Variants in ACOX2 observed in about 807,000 individuals in gnomAD.
ACOX2 encodes the protein acyl-CoA oxidase 2, also known as peroxisomal acyl-coenzyme A oxidase 2.
ACOX2 carries 59 observed loss-of-function variants against 77.5 expected under a neutral mutation model. That is an observed-to-expected ratio of 0.76 (90% CI 0.62 to 0.95). The LOEUF (loss-of-function observed/expected upper bound fraction) is 0.95, where lower values mean the gene tolerates loss of function less well. Among genes scored for constraint, ACOX2 ranks in the 40% least tolerant of loss-of-function variants. ACOX2 has a pLI of 0.00. For synonymous variants in ACOX2, 317 were observed against 340.1 expected (o/e 0.93, Z 0.75); for missense variants, 837 against 880.4 (o/e 0.95, Z 0.62).
intron 12 of ACOX2, among the ~76,000 whole-genome samples, chr3:58,517,813 G>A (rs1319422482): frequency 1.3e-5 from 2 of 151,976 alleles, no homozygotes; most frequent in African/African-American, 2.4e-5. Context: ...GGTGGCTCAC[G>A]CCTGTAATCC....
In ACOX2 at chr3:58,531,810, C is replaced by T. The variant is rs780226877; in HGVS notation, c.586G>A (p.Gly196Arg). Residue 196 changes from glycine to arginine, a missense_variant and splice_region_variant, in exon 6 of 15, where the codon GGA (glycine) becomes AGA (arginine). By Grantham distance (125) the Gly-to-Arg change is moderately radical (BLOSUM62 -2). Transcript: ENST00000302819. The surrounding 1 kb of genome is among the most constrained non-coding windows in gnomAD (Gnocchi z 5.8). Reference sequence around the variant, plus strand: ...ACCAGGGCATGGGTGGCTGACCGTCCCACTGAGGGCAGAGAGAGTAGCGGC... The same window carrying T: ...ACCAGGGCATGGGTGGCTGACCGTCTCACTGAGGGCAGAGAGAGTAGCGGC... ...TATKWWPGDL[G>R]RSATHALVQA... 8.7e-6 allele frequency: 14 copies of T among 1,613,170 alleles called. No individual in the cohort carries two copies. Among genetic ancestry groups the T allele is most frequent in the Admixed American group, 1.7e-5 (1 of 59,852 alleles).
Position 58,531,741 on chromosome 3 carries a change from C to T in ACOX2, c.655G>A (p.Ala219Thr), listed in dbSNP as rs771737754. 8.7e-6 allele frequency: 14 copies of T among 1,614,190 alleles called. No individual in the cohort carries two copies. Among genetic ancestry groups the T allele is most frequent in the Middle Eastern group, 1.6e-4 (1 of 6,062 alleles). ...AGACTCCGGATTGGCACAATAAAAG[C>T]GTGCATGCCCCGCCTGGCTCCTGAG... ...ICSGARRGMH[A>T]FIVPIRSLQD... The change falls in exon 6 of 15, where the codon GCT becomes ACT. Residue 219 changes from alanine (A) to threonine (T), a missense_variant. Ala to Thr is a moderately conservative substitution (Grantham distance 58). Coordinates refer to ENST00000302819, the MANE Select transcript of ACOX2 (RefSeq NM_003500.4). This position sits in a 1 kb window ranked among gnomAD's most constrained non-coding sequence, Gnocchi z 5.8.
At chr3:58,516,586 C>G (rs1465143002) in intron 13 of ACOX2, among the ~76,000 whole-genome samples, 1 of 152,170 alleles carries the variant, frequency 6.6e-6, no homozygotes, top group Non-Finnish European at 1.5e-5. Flanking sequence ...ACCTGTAATC[C>G]CAGCACTTTG....
At chr3:58,506,255 T>C (rs1174620988) in intron 14 of ACOX2, among the ~76,000 whole-genome samples, 1 of 152,226 alleles carries the variant, frequency 6.6e-6, no homozygotes, top group East Asian at 1.9e-4. Context: ...ATAGAATAAT[T>C]GGGGAAAAAC....
rs776896510 is a variant in ACOX2, at chr3:58,522,450, G to C, written c.1632+46C>G. The C allele has an allele frequency of 5.0e-6, 8 of 1,585,080 alleles. No individual in the cohort carries two copies. In the South Asian group the frequency reaches 8.9e-5, roughly 18 times the overall value. On this transcript the variant is annotated intron_variant, in intron 12 of 14. Coordinates refer to ENST00000302819, the MANE Select transcript of ACOX2 (RefSeq NM_003500.4). The surrounding 1 kb of genome is among the most constrained non-coding windows in gnomAD (Gnocchi z 4.3). Reference sequence around the variant, plus strand: ...ATTTTCCCAGCAGGGTAGCCTGCCTGGGAAGCAAAATGGATCCCTTTCAGC... The same window carrying C: ...ATTTTCCCAGCAGGGTAGCCTGCCTCGGAAGCAAAATGGATCCCTTTCAGC...
rs143399044 is a variant in ACOX2 at position 58,531,340 on chromosome 3, T to G, written c.730A>C (p.Lys244Gln). ...PGIIIGDIGP[K>Q]MDFDQTDNGF... The stretch of plus-strand genomic sequence containing the variant: ...TTGTCTGTTTGATCAAAGTCCATCT[T>G]GGGTCCGATGTCCCCAATGATGATT... Residue 244 changes from lysine (K) to glutamine (Q), a missense_variant, in exon 7 of 15, where the codon AAG becomes CAG. Physicochemically the swap from Lys to Gln is moderately conservative, Grantham distance 53. Transcript: ENST00000302819. This position sits in a 1 kb window ranked among gnomAD's most constrained non-coding sequence, Gnocchi z 5.8. 12 of 1,614,074 alleles carry G rather than the reference T, an allele frequency of 7.4e-6. No homozygotes were observed. The African/African-American group carries it at 1.6e-4, about 22-fold the overall frequency.
chr3:58,517,276 C>T lies in ACOX2; in HGVS notation c.1780G>A (p.Asp594Asn), dbSNP rs1349948788. The T allele has an allele frequency of 6.2e-7, 1 of 1,614,036 alleles. No individual in the cohort carries two copies. The highest frequency in any genetic ancestry group is 8.5e-7 in the Non-Finnish European group (1 of 1,180,040). ...ILTNSGDFLH[D>N]AFLSGAQVDM... ...ACTTGGGCACCAGACAGGAAGGCGT[C>T]ATGGAGAAAGTCACCCGAGTTAGTC... Residue 594 changes from aspartate (D) to asparagine (N), a missense_variant, in exon 13 of 15, where the codon GAC (aspartate) becomes AAC (asparagine). Physicochemically the swap from Asp to Asn is conservative, Grantham distance 23. Coordinates refer to ENST00000302819, the MANE Select transcript of ACOX2 (RefSeq NM_003500.4).
intron 5 of ACOX2, among the ~76,000 whole-genome samples, chr3:58,532,209 C>T (rs147551597): frequency 3.3e-4 from 50 of 152,256 alleles, no homozygotes; most frequent in African/African-American, 1.2e-3. Flanking sequence ...TAGAGTGACA[C>T]ACTGAAGGTC....
rs1479726026 is a variant in ACOX2, at chr3:58,517,615, G to GTT, written c.1633-193_1633-192insAA. On this transcript the variant is annotated intron_variant, in intron 12 of 14. Coordinates refer to ENST00000302819, the MANE Select transcript of ACOX2 (RefSeq NM_003500.4). ...TGATGTTGTGTATATGTGTGTGTTG[G>GTT]GGGGGGGAGCGGGGACGGGGGGGAC... Among the ~76,000 whole-genome samples the GTT allele has an allele frequency of 5.9e-3, 852 of 143,682 alleles. 9 individuals carry two copies. The highest frequency in any genetic ancestry group is 7.7e-3 in the Non-Finnish European group (503 of 65,396). 94.3% of individuals were successfully genotyped at this position (143,682 alleles called of 152,430 possible). A position where few individuals can be genotyped will look rare whatever the true frequency, so the allele number is the denominator to read the frequency against.
Position 58,521,742 on chromosome 3 carries a change from GTC to G in ACOX2, c.1632+752_1632+753del, listed in dbSNP as rs1256467093. ...GTGCAAAAGGTCAGAGGCCTTGCCT[GTC>G]TCTCCTTCTCCCCTAGTCTCAGTCC... On this transcript the variant is annotated intron_variant, in intron 12 of 14. Coordinates refer to ENST00000302819, the MANE Select transcript of ACOX2 (RefSeq NM_003500.4). This position sits in a 1 kb window ranked among gnomAD's most constrained non-coding sequence, Gnocchi z 4.8. 3.3e-5 allele frequency among the ~76,000 whole-genome samples: 5 copies of G among 152,238 alleles called. No individual in the cohort carries two copies. The highest frequency in any genetic ancestry group is 3.3e-4 in the Admixed American group (5 of 15,286).
intron 13 of ACOX2, chr3:58,511,101 T>C: frequency 2.2e-6 from 1 of 456,208 alleles, no homozygotes; most frequent in Middle Eastern, 3.3e-4. Context: ...TTCCCACCCT[T>C]GCATTTATAC....
chr3:58,516,138 C>T (rs1272933678), intron 13 of ACOX2, among the ~76,000 whole-genome samples: 1 of 152,098 alleles, frequency 6.6e-6, no homozygotes, highest in Non-Finnish European at 1.5e-5. Flanking sequence ...TGCATTAATG[C>T]TGCATTAAAA....
rs2063319094 is a variant in ACOX2, at chr3:58,515,916, T to C, written c.1850+1290A>G. Reference sequence around the variant, plus strand: ...CCTCAGCCTCCCGAGTAGCTGAGACTACAGGTGTGTGCCTGATTCATTTTT... The same window carrying C: ...CCTCAGCCTCCCGAGTAGCTGAGACCACAGGTGTGTGCCTGATTCATTTTT... On this transcript the variant is annotated intron_variant, in intron 13 of 14. Coordinates refer to ENST00000302819, the MANE Select transcript of ACOX2 (RefSeq NM_003500.4). This position sits in a 1 kb window ranked among gnomAD's most constrained non-coding sequence, Gnocchi z 4.0. Among the ~76,000 whole-genome samples the C allele has an allele frequency of 6.6e-6, 1 of 152,098 alleles. No homozygotes were observed. The highest frequency in any genetic ancestry group is 1.5e-5 in the Non-Finnish European group (1 of 68,012).
intron 12 of ACOX2, among the ~76,000 whole-genome samples, chr3:58,518,916 A>T (rs1472171546): frequency 6.6e-6 from 1 of 151,954 alleles, no homozygotes; most frequent in Non-Finnish European, 1.5e-5. Flanking sequence ...CTGGGATTAC[A>T]GGCGTGAGCC....
chr3:58,526,819 C>T lies in ACOX2; in HGVS notation c.1156-163G>A. On this transcript the variant is annotated intron_variant, in intron 9 of 14. Coordinates refer to ENST00000302819, the MANE Select transcript of ACOX2 (RefSeq NM_003500.4). The surrounding 1 kb of genome is among the most constrained non-coding windows in gnomAD (Gnocchi z 4.3). ...TATGAATGAGAAGGCGGGTACTCAGCTTATGTGACTCACCCAGAGGCACAC... is the reference window on the plus strand; with the variant it reads ...TATGAATGAGAAGGCGGGTACTCAGTTTATGTGACTCACCCAGAGGCACAC... 1 of 717,856 alleles carries T rather than the reference C, an allele frequency of 1.4e-6. No individual in the cohort carries two copies. Among genetic ancestry groups the T allele is most frequent in the African/African-American group, 1.8e-5 (1 of 55,680 alleles). 44.5% of individuals were successfully genotyped at this position (717,856 alleles called of 1,614,324 possible).
At position 58,534,494 on chromosome 3, in the gene ACOX2, A is replaced by G. The variant is rs1231961168; in HGVS notation, c.189T>C (p.Phe63=). The G allele has an allele frequency of 1.2e-6, 2 of 1,614,056 alleles. No homozygotes were observed. Among genetic ancestry groups the G allele is most frequent in the Admixed American group, 1.7e-5 (1 of 60,004 alleles). The change falls in exon 3 of 15, where the codon TTT becomes TTC. Residue 63 remains phenylalanine, a synonymous_variant. Coordinates refer to ENST00000302819, the MANE Select transcript of ACOX2 (RefSeq NM_003500.4). The surrounding 1 kb of genome is among the most constrained non-coding windows in gnomAD (Gnocchi z 4.8). Reference sequence around the variant, plus strand: ...TCATGAAATAATTGTCCTTACAGCTAAACTCCGGGTAACTGTGGATGATGC... The same window carrying G: ...TCATGAAATAATTGTCCTTACAGCTGAACTCCGGGTAACTGTGGATGATGC... The part of the protein sequence containing the change: ...VESIIHSYPE[F]SCKDNYFMTQ...
chr3:58,512,755 G>A lies in ACOX2; in HGVS notation c.1851-3730C>T, dbSNP rs1187674479. Among the ~76,000 whole-genome samples, 2 of 152,136 alleles carry A rather than the reference G, an allele frequency of 1.3e-5. No homozygotes were observed. Among genetic ancestry groups the A allele is most frequent in the Non-Finnish European group, 1.5e-5 (1 of 68,034 alleles). On this transcript the variant is annotated intron_variant, in intron 13 of 14. Transcript: ENST00000302819. This position sits in a 1 kb window ranked among gnomAD's most constrained non-coding sequence, Gnocchi z 4.8. ...AATGATGGACCATGTATATGATGGC[G>A]GTCCCATGACATTATGATAGAGCTG...
chr3:58,505,535 T>C lies in ACOX2; in HGVS notation c.1984-249A>G, dbSNP rs1293083890. ...GCCAATTAAAAACACAGCTTATCAC[T>C]TGCTTTTGGAATTTCATACAAATAA... On this transcript the variant is annotated intron_variant, in intron 14 of 14. Coordinates refer to ENST00000302819, the MANE Select transcript of ACOX2 (RefSeq NM_003500.4). The surrounding 1 kb of genome is among the most constrained non-coding windows in gnomAD (Gnocchi z 4.4). 6.6e-6 allele frequency among the ~76,000 whole-genome samples: 1 copy of C among 152,216 alleles called. No individual in the cohort carries two copies. Among genetic ancestry groups the C allele is most frequent in the Non-Finnish European group, 1.5e-5 (1 of 68,050 alleles).
chr3:58,516,045 A>G (rs1440343264), intron 13 of ACOX2, among the ~76,000 whole-genome samples: 2 of 150,586 alleles, frequency 1.3e-5, no homozygotes, highest in East Asian at 3.9e-4. Flanking sequence ...TTTGGTTTTG[A>G]TATGTTTTTA....
Sources: gnomAD v4.1 joint callset for allele counts (sites outside exome capture counted in the v4.1 genomes callset) on GRCh38, gnomAD v4.1.1 for gene constraint, Gnocchi (gnomAD v3.1) non-coding constraint, MANE v1.5 for transcripts, NCBI Gene and HGNC (gene_info 2026-07-23, HGNC 2026-07-21) for gene names.